Variants in DCT observed in about 807,000 individuals in gnomAD.
The protein encoded by DCT is L-dopachrome tautomerase.
A neutral mutation model predicts 53.0 loss-of-function variants in DCT; 47 were observed. The observed-to-expected ratio is 0.89, with a 90% confidence interval of 0.70 to 1.13. The LOEUF (loss-of-function observed/expected upper bound fraction) is 1.13. Ranked by LOEUF, DCT falls within the 50% of genes most tolerant of loss-of-function variation. The pLI, the probability that DCT is intolerant of heterozygous loss-of-function variation, is 0.00. For missense variants in DCT, 669 were observed against 637.4 expected, an observed-to-expected ratio of 1.05 and a Z score of -0.53; for synonymous variants, 244 against 237.0, an observed-to-expected ratio of 1.03 and a Z score of -0.27.
chr13:94,517,161 C>A, the DCT span, among the ~76,000 whole-genome samples: 1 of 152,170 alleles, frequency 6.6e-6, no homozygotes, highest in Non-Finnish European at 1.5e-5. Context: ...GATTTTCTAA[C>A]AATTTCTCTT....
chr13:94,464,122 C>T (rs1431970841), intron 4 of DCT, among the ~76,000 whole-genome samples: 1 of 152,200 alleles, frequency 6.6e-6, no homozygotes, highest in Non-Finnish European at 1.5e-5. Context: ...AGAAAAAGCA[C>T]TGATGATGTC....
At chr13:94,507,416 C>G in the DCT span, among the ~76,000 whole-genome samples, 2 of 151,966 alleles carry the variant, frequency 1.3e-5, no homozygotes, top group South Asian at 4.2e-4. Flanking sequence ...ACACCACAAG[C>G]GAACAGGTGC....
intron 1 of DCT, among the ~76,000 whole-genome samples, chr13:94,475,616 CAAT>C (rs1885020407): frequency 6.6e-6 from 1 of 152,146 alleles, no homozygotes; most frequent in South Asian, 2.1e-4. Flanking sequence ...CTATAGTTAA[CAAT>C]AAGGCATTCG....
At chr13:94,488,805 A>C in the DCT span, among the ~76,000 whole-genome samples, 1 of 147,788 alleles carries the variant, frequency 6.8e-6, no homozygotes, top group East Asian at 2.0e-4. Flanking sequence ...ACACATATAC[A>C]CATACATACA....
the DCT span, among the ~76,000 whole-genome samples, chr13:94,493,078 G>C: frequency 6.6e-6 from 1 of 152,142 alleles, no homozygotes; most frequent in African/African-American, 2.4e-5. Context: ...CTTCACATCT[G>C]TGCTCAAGAC....
chr13:94,443,022 C>A (rs112972664), intron 7 of DCT, among the ~76,000 whole-genome samples: 5,722 of 152,226 alleles, frequency 0.038, 381 homozygotes, highest in African/African-American at 0.13. Context: ...CCCAGCCCTG[C>A]CCTCAAGGAA....
the DCT span, among the ~76,000 whole-genome samples, chr13:94,533,735 A>G: frequency 6.6e-6 from 1 of 152,144 alleles, no homozygotes; most frequent in Non-Finnish European, 1.5e-5. Flanking sequence ...CAGTGAGCCA[A>G]TATCACTGCA....
At chr13:94,514,713 C>A in the DCT span, among the ~76,000 whole-genome samples, 1 of 152,044 alleles carries the variant, frequency 6.6e-6, no homozygotes, top group Non-Finnish European at 1.5e-5. Flanking sequence ...CAGGGCAAGG[C>A]GGGAAGGGGG....
intron 7 of DCT, among the ~76,000 whole-genome samples, chr13:94,442,920 T>C (rs960006946): frequency 1.3e-5 from 2 of 152,212 alleles, no homozygotes; most frequent in African/African-American, 2.4e-5. Context: ...CAAAATTTTG[T>C]ATTATATTAT....
At chr13:94,541,015 T>C in the DCT span, among the ~76,000 whole-genome samples, 1 of 152,206 alleles carries the variant, frequency 6.6e-6, no homozygotes, top group African/African-American at 2.4e-5. Context: ...CAGGACATTA[T>C]GTTAAGTGAA....
In DCT at chr13:94,460,220, A is replaced by C; in HGVS notation, c.1050T>G (p.Ala350=). ...CATCTGCTTTATCAAACCCTTCCAA[A>C]GCATTCCTAGGAGAAACAAGTATAT... is the stretch of plus-strand genomic sequence containing the variant. ...FQNSTFSFRN[A]LEGFDKADGT... The change falls in exon 6 of 8, where the codon GCT becomes GCG. Residue 350 remains alanine, a synonymous_variant. Coordinates refer to ENST00000377028, the MANE Select transcript of DCT (RefSeq NM_001922.5). 2 of 1,613,566 alleles carry C rather than the reference A, an allele frequency of 1.2e-6. No individual in the cohort carries two copies. Among genetic ancestry groups the C allele is most frequent in the Non-Finnish European group, 1.7e-6 (2 of 1,179,674 alleles).
At chr13:94,526,716 G>A in the DCT span, among the ~76,000 whole-genome samples, 4 of 152,270 alleles carry the variant, frequency 2.6e-5, no homozygotes, top group Admixed American at 6.5e-5. Flanking sequence ...CGCAAAAGAT[G>A]GGTGATTTCT....
chr13:94,513,385 G>A, the DCT span, among the ~76,000 whole-genome samples: 1 of 152,156 alleles, frequency 6.6e-6, no homozygotes, highest in Non-Finnish European at 1.5e-5. Context: ...CGTGTGGAGA[G>A]GTAACTATGG....
At chr13:94,523,584 C>T in the DCT span, among the ~76,000 whole-genome samples, 1 of 152,198 alleles carries the variant, frequency 6.6e-6, no homozygotes, top group Non-Finnish European at 1.5e-5. Context: ...CTTCCTCAGA[C>T]TTTGGGATAG....
the DCT span, among the ~76,000 whole-genome samples, chr13:94,525,112 T>C: frequency 6.6e-6 from 1 of 151,628 alleles, no homozygotes. Flanking sequence ...ACCTTCTTTT[T>C]TTTTGGAGGT....
chr13:94,466,314 T>C (rs1884215753), intron 3 of DCT, among the ~76,000 whole-genome samples: 1 of 151,960 alleles, frequency 6.6e-6, no homozygotes. Context: ...TCTGAGACTA[T>C]AGTTAACGTT....
chr13:94,546,418 T>C, the DCT span, among the ~76,000 whole-genome samples: 1 of 152,192 alleles, frequency 6.6e-6, no homozygotes, highest in Admixed American at 6.5e-5. The surrounding 1 kb of genome is among the most constrained non-coding windows in gnomAD (Gnocchi z 4.2). Context: ...CAGTTCACGC[T>C]GGACCCTCTT....
rs750650616 is a variant in DCT at position 94,479,025 on chromosome 13, T to C, written c.231A>G (p.Leu77=). ...DTRPWSGPYI[L]RNQDDRELWP... ...ACAGCTCACGGTCATCCTGGTTTCG[T>C]AGGATGTAGGGACCACTCCAGGGCC... The change falls in exon 1 of 8, where the codon CTA becomes CTG. Residue 77 remains leucine (L), a synonymous_variant. Transcript: ENST00000377028. 6 of 1,613,938 alleles carry C rather than the reference T, an allele frequency of 3.7e-6. No homozygotes were observed. Among genetic ancestry groups the C allele is most frequent in the African/African-American group, 2.7e-5 (2 of 74,946 alleles).
the DCT span, among the ~76,000 whole-genome samples, chr13:94,528,529 C>A: frequency 4.9e-4 from 74 of 152,282 alleles, no homozygotes; most frequent in African/African-American, 1.8e-3. Flanking sequence ...AATCTCATAT[C>A]CAGCCAAACT....
Sources: allele counts gnomAD v4.1 joint callset (sites outside exome capture counted in the v4.1 genomes callset), GRCh38; gene constraint gnomAD v4.1.1; non-coding constraint Gnocchi (gnomAD v3.1); transcripts MANE v1.5; gene names NCBI Gene and HGNC (gene_info 2026-07-23, HGNC 2026-07-21).